The following CCNI variants were observed in gnomAD, a reference collection of about 807,000 sequenced individuals.
The protein encoded by CCNI is cyclin-I.
Under a neutral mutation model 34.1 loss-of-function variants are expected in CCNI, and 14 were observed. That is an observed-to-expected ratio of 0.41 (90% CI 0.27 to 0.64). The LOEUF is 0.64. CCNI is among the 30% of genes least tolerant of loss of function. CCNI has a pLI of 0.31. For missense variants in CCNI, 385 were observed against 440.5 expected (o/e 0.87, Z 1.13); for synonymous variants, 154 against 158.4 (o/e 0.97, Z 0.21).
intron 1 of CCNI, among the ~76,000 whole-genome samples, chr4:77,068,649 G>A (rs558129106): frequency 6.6e-6 from 1 of 152,188 alleles, no homozygotes; most frequent in East Asian, 1.9e-4. Context: ...CTATGTACCT[G>A]TAAACTATGT....
Position 77,075,243 on chromosome 4 carries a change from A to G in CCNI, c.-44+229T>C, listed in dbSNP as rs561459867. ...AAACTGGCCCGAAAAGGAACACAGT[A>G]GTGCCGTTTTCAAGTGGGCAGGTGA... On this transcript the variant is annotated intron_variant, in intron 1 of 6. Transcript: ENST00000237654. The G allele has an allele frequency of 3.3e-5, 5 of 152,324 alleles. No individual in the cohort carries two copies. The East Asian group carries it at 7.7e-4, about 24-fold the overall frequency. The allele number at this position is 152,324 out of a possible 1,614,324, so 9.4% of individuals were successfully genotyped here. A position where few individuals can be genotyped will look rare whatever the true frequency, so the allele number is the denominator to read the frequency against.
At position 77,056,281 on chromosome 4, in the gene CCNI, A is replaced by G; in HGVS notation, c.286T>C (p.Phe96Leu). The change falls in exon 4 of 7, where the codon TTC becomes CTC. Residue 96 changes from phenylalanine to leucine, a missense_variant. Coordinates refer to ENST00000237654, the MANE Select transcript of CCNI (RefSeq NM_006835.3). Reference protein sequence around the residue: ...YLSCIAISCFFLAAKTVEEDE... With the variant: ...YLSCIAISCFLLAAKTVEEDE... ...TCCTCAACAGTCTTGGCAGCTAGGA[A>G]AAAACAGCTGATTGCAATACAACTC... 1 of 1,613,966 alleles carries G rather than the reference A, an allele frequency of 6.2e-7. No homozygotes were observed.
chr4:77,074,006 GTTT>G lies in CCNI; in HGVS notation c.-44+1463_-44+1465del, dbSNP rs869087657. Among the ~76,000 whole-genome samples the G allele has an allele frequency of 1.8e-3, 268 of 151,850 alleles. 1 individual carries two copies. Among genetic ancestry groups the G allele is most frequent in the African/African-American group, 6.1e-3 (253 of 41,442 alleles). ...AACTGTGGAAAGCCCTTTTTTTCTA[GTTT>G]TTTATTTTTCTTACTACACCCCCAT... On this transcript the variant is annotated intron_variant, in intron 1 of 6. Transcript: ENST00000237654.
At chr4:77,075,388 G>A (rs4252766) in intron 1 of CCNI, 84 bp downstream of exon 1, 17 of 460,346 alleles carry the variant, frequency 3.7e-5, no homozygotes, top group Admixed American at 6.4e-5. Flanking sequence ...CACGGGGGCG[G>A]CGCGGGGGGA....
In CCNI at chr4:77,048,315, G is replaced by C; in HGVS notation, c.1038C>G (p.Val346=). 1 of 1,614,014 alleles carries C rather than the reference G, an allele frequency of 6.2e-7. No individual in the cohort carries two copies. The highest frequency in any genetic ancestry group is 8.5e-7 in the Non-Finnish European group (1 of 1,179,960). The change falls in exon 7 of 7, where the codon GTC becomes GTG. Residue 346 remains valine, a synonymous_variant. Transcript: ENST00000237654. Reference sequence around the variant, plus strand: ...CACACACAGAACCCACATTTTCTGAGACATTATCTTCATTATAGAGCCGTT... The same window carrying C: ...CACACACAGAACCCACATTTTCTGACACATTATCTTCATTATAGAGCCGTT... ...GIKRLYNEDN[V]SENVGSVCGT...
intron 1 of CCNI, among the ~76,000 whole-genome samples, chr4:77,068,559 T>C (rs1328162683): frequency 6.6e-6 from 1 of 151,962 alleles, no homozygotes; most frequent in African/African-American, 2.4e-5. Context: ...CTCTGCAGAG[T>C]AAGAAAAGGG....
chr4:77,071,683 G>A (rs1039067014), intron 1 of CCNI, among the ~76,000 whole-genome samples: 24 of 152,164 alleles, frequency 1.6e-4, no homozygotes, highest in Admixed American at 2.6e-4. Flanking sequence ...CTACCTTACA[G>A]AAATAAAAAG....
At chr4:77,060,590 CT>C (rs1728538577) in intron 2 of CCNI, among the ~76,000 whole-genome samples, 2 of 151,148 alleles carry the variant, frequency 1.3e-5, no homozygotes, top group Admixed American at 6.6e-5. Flanking sequence ...CCTGAAGTAG[CT>C]AGGACCAGAG....
At chr4:77,061,443 T>C (rs1321465388) in intron 2 of CCNI, among the ~76,000 whole-genome samples, 2 of 152,162 alleles carry the variant, frequency 1.3e-5, no homozygotes, top group Non-Finnish European at 2.9e-5. Context: ...GTTGAACAAA[T>C]AATCCTAAAG....
intron 2 of CCNI, 66 bp from the exon 3 acceptor site, chr4:77,058,701 TTC>T: frequency 2.1e-6 from 3 of 1,412,594 alleles, no homozygotes; most frequent in Admixed American, 1.9e-5. Flanking sequence ...ATGTTTAGAA[TTC>T]TCTCTCATAA....
rs1288270131 is a variant in CCNI, at chr4:77,072,455, A to C, written c.-44+3017T>G. Among the ~76,000 whole-genome samples the C allele has an allele frequency of 1.3e-4, 17 of 135,622 alleles. No individual in the cohort carries two copies. The East Asian group carries it at 3.2e-3, about 25-fold the overall frequency. The allele number at this position is 135,622 out of a possible 152,430, so 89.0% of individuals were successfully genotyped here. The stretch of plus-strand genomic sequence containing the variant: ...AGAGCGAGATCCCTGTCTCCACCAA[A>C]AAAAAAAAAAAAAAAAAAAAAATTT... On this transcript the variant is annotated intron_variant, in intron 1 of 6. Transcript: ENST00000237654.
intron 1 of CCNI, among the ~76,000 whole-genome samples, chr4:77,072,638 T>TAAAAA (rs61247567): frequency 3.2e-3 from 328 of 101,076 alleles, no homozygotes; most frequent in African/African-American, 4.2e-3. Context: ...CCCAATCTCT[T>TAAAAA]AAAAAAAAAA....
rs990611406 is a variant in CCNI at position 77,075,526 on chromosome 4, G to C, written c.-98C>G. On this transcript the variant is annotated 5_prime_UTR_variant, in exon 1 of 7. Coordinates refer to ENST00000237654, the MANE Select transcript of CCNI (RefSeq NM_006835.3). ...CCCCGGCAGAGCTGTAGGCCTCACA[G>C]TGGTGACGCGGGGTCATCCGGGGGC... 106 of 988,422 alleles carry C rather than the reference G, an allele frequency of 1.1e-4. No individual in the cohort carries two copies. The highest frequency in any genetic ancestry group is 1.3e-4 in the Non-Finnish European group (106 of 830,660). 61.2% of individuals were successfully genotyped at this position (988,422 alleles called of 1,614,324 possible).
At chr4:77,075,417 G>C in intron 1 of CCNI, 55 bp downstream of exon 1, 1 of 789,288 alleles carries the variant, frequency 1.3e-6, no homozygotes, top group Non-Finnish European at 1.5e-6. Context: ...GCCCCAGCGC[G>C]TCGACGCCGG....
chr4:77,058,341 TAAAC>T (rs996062760), intron 3 of CCNI, among the ~76,000 whole-genome samples, 162 bp downstream of exon 3: 2 of 152,006 alleles, frequency 1.3e-5, no homozygotes, highest in Non-Finnish European at 2.9e-5. Context: ...AAAAATAAAA[TAAAC>T]AATAGCAGAA....
intron 6 of CCNI, among the ~76,000 whole-genome samples, chr4:77,054,662 G>C (rs1006216487): frequency 6.6e-6 from 1 of 152,140 alleles, no homozygotes; most frequent in Admixed American, 6.5e-5. Context: ...GGTAATAATG[G>C]AACTGCCAGG....
chr4:77,075,380 C>A (rs1729835241), intron 1 of CCNI, 92 bp downstream of exon 1: 1 of 402,210 alleles, frequency 2.5e-6, no homozygotes, highest in African/African-American at 2.2e-5. Context: ...GGCGCTGCCA[C>A]GGGGGCGGCG....
In CCNI at chr4:77,056,058, T is replaced by C. The variant is rs761240482; in HGVS notation, c.363A>G (p.Gly121=). The change falls in exon 5 of 7, where the codon GGA becomes GGG. Residue 121 remains glycine, a synonymous_variant. Coordinates refer to ENST00000237654, the MANE Select transcript of CCNI (RefSeq NM_006835.3). ...LKVLARDSFC[G]CSSSEILRME... is the part of the protein sequence containing the mutation. ...TTCTCAAAATTTCAGATGAGGAACATCCACAGAAACTGTCTCTTGCCAATA... is the reference window on the plus strand; with the variant it reads ...TTCTCAAAATTTCAGATGAGGAACACCCACAGAAACTGTCTCTTGCCAATA... The C allele has an allele frequency of 2.5e-6, 4 of 1,613,820 alleles. No homozygotes were observed. The South Asian group carries it at 4.4e-5, about 18-fold the overall frequency.
rs1171274220 is a variant in CCNI at position 77,047,495 on chromosome 4, T to C, written c.*724A>G. On this transcript the variant is annotated 3_prime_UTR_variant, in exon 7 of 7. Coordinates refer to ENST00000237654, the MANE Select transcript of CCNI (RefSeq NM_006835.3). ...TTTCTTTGGTGAGCACCTGGATATA[T>C]TTATCACAAATTCTTTTATACAAAT... The C allele has an allele frequency of 6.6e-6, 1 of 152,200 alleles. No individual in the cohort carries two copies. The highest frequency in any genetic ancestry group is 1.5e-5 in the Non-Finnish European group (1 of 68,030). The allele number at this position is 152,200 out of a possible 1,614,324, so 9.4% of individuals were successfully genotyped here.
Sources: allele counts gnomAD v4.1 joint callset (sites outside exome capture counted in the v4.1 genomes callset), GRCh38; gene constraint gnomAD v4.1.1; transcripts MANE v1.5; gene names NCBI Gene and HGNC (gene_info 2026-07-23, HGNC 2026-07-21).